Variants in CTNND2 observed in about 807,000 individuals in gnomAD.
The protein encoded by CTNND2 is catenin delta-2.
In CTNND2, 22 loss-of-function variants were observed where a neutral mutation model predicts 144.4. The observed-to-expected ratio is 0.15, with a 90% CI of 0.11 to 0.22. The LOEUF (loss-of-function observed/expected upper bound fraction) is 0.22. CTNND2 is among the 10% of genes least tolerant of loss of function. CTNND2 has a pLI of 1.00. For synonymous variants in CTNND2, 751 were observed against 695.6 expected (o/e 1.08, Z -1.25); for missense variants, 1,353 against 1,618.8 (o/e 0.84, Z 2.82).
chr5:11,149,893 C>T (rs1757587808), intron 12 of CTNND2, among the ~76,000 whole-genome samples: 2 of 152,264 alleles, frequency 1.3e-5, no homozygotes, highest in South Asian at 2.1e-4. Flanking sequence ...CTTTTCCCTG[C>T]TTTAGAAAAT....
At chr5:11,643,948 T>C (rs537100419) in intron 2 of CTNND2, among the ~76,000 whole-genome samples, 1 of 152,170 alleles carries the variant, frequency 6.6e-6, no homozygotes, top group Admixed American at 6.5e-5. Flanking sequence ...TTAATGAAAA[T>C]AACTTTTTGA....
chr5:11,156,134 G>A (rs1216333782), intron 12 of CTNND2, among the ~76,000 whole-genome samples: 1 of 152,210 alleles, frequency 6.6e-6, no homozygotes, highest in Non-Finnish European at 1.5e-5. Context: ...AAGCCTGCAT[G>A]AAATTGTCTA....
rs78972228 is a variant in CTNND2 at position 11,074,622 on chromosome 5, T to C, written c.2788+8074A>G. Among the ~76,000 whole-genome samples the C allele has an allele frequency of 2.4e-3, 362 of 152,294 alleles. 4 individuals are homozygous for C. The highest frequency in any genetic ancestry group is 8.4e-3 in the African/African-American group (349 of 41,554). On this transcript the variant is annotated intron_variant, in intron 16 of 21. Coordinates refer to ENST00000304623, the MANE Select transcript of CTNND2 (RefSeq NM_001332.4). ...AGATTCCATTATAAAGCTTTATATG[T>C]AACATTCAGGACAGTATTGATATAA...
chr5:11,819,250 G>A (rs1189928337), intron 1 of CTNND2, among the ~76,000 whole-genome samples: 1 of 152,010 alleles, frequency 6.6e-6, no homozygotes, highest in African/African-American at 2.4e-5. Flanking sequence ...CCTGGCCAAC[G>A]TGGTGAAACC....
At chr5:11,558,449 T>C (rs1041503708) in intron 3 of CTNND2, among the ~76,000 whole-genome samples, 1 of 152,016 alleles carries the variant, frequency 6.6e-6, no homozygotes, top group African/African-American at 2.4e-5. Context: ...CACAGCAGCC[T>C]TGACCTCTCC....
At chr5:11,497,514 G>C (rs1271545908) in intron 3 of CTNND2, among the ~76,000 whole-genome samples, 2 of 86,672 alleles carry the variant, frequency 2.3e-5, no homozygotes, top group South Asian at 6.0e-4. Context: ...TGATGTGCGG[G>C]GGGGTGGGGG....
intron 9 of CTNND2, among the ~76,000 whole-genome samples, chr5:11,250,877 G>A (rs1743567314): frequency 6.6e-6 from 1 of 152,042 alleles, no homozygotes; most frequent in Non-Finnish European, 1.5e-5. Flanking sequence ...GAAGACGTTT[G>A]ACTACACCAT....
rs147660670 is a variant in CTNND2, at chr5:11,611,925, C to T, written c.175-46869G>A. Among the ~76,000 whole-genome samples the T allele has an allele frequency of 7.9e-5, 12 of 152,326 alleles. No individual in the cohort carries two copies. In the East Asian group the frequency reaches 1.9e-3, roughly 24 times the overall value. ...CAACCAGCTCCCTCCAGACTCTGAG[C>T]TCTTTGAGGGCAATGATTCTATTTC... On this transcript the variant is annotated intron_variant, in intron 2 of 21. Transcript: ENST00000304623.
At chr5:11,426,173 G>GC (rs1762756566) in intron 3 of CTNND2, among the ~76,000 whole-genome samples, 1 of 152,028 alleles carries the variant, frequency 6.6e-6, no homozygotes, top group African/African-American at 2.4e-5. Context: ...CACTGTTGTA[G>GC]CCCCCCTTGA....
At chr5:11,760,337 C>G (rs1789187625) in intron 1 of CTNND2, among the ~76,000 whole-genome samples, 1 of 152,078 alleles carries the variant, frequency 6.6e-6, no homozygotes, top group South Asian at 2.1e-4. Context: ...GCCTGGGACC[C>G]TTCTGCCTCC....
intron 20 of CTNND2, among the ~76,000 whole-genome samples, chr5:10,985,610 C>A (rs1434412462): frequency 6.6e-6 from 1 of 152,168 alleles, no homozygotes; most frequent in Non-Finnish European, 1.5e-5. Context: ...GGAATGTTTT[C>A]TTGGCAGGGA....
At chr5:11,767,692 C>A (rs553699201) in intron 1 of CTNND2, among the ~76,000 whole-genome samples, 2 of 152,130 alleles carry the variant, frequency 1.3e-5, no homozygotes, top group East Asian at 1.9e-4. Flanking sequence ...CTGCTTGAGT[C>A]GATGCTAGGT....
chr5:11,640,432 C>A (rs1261033103), intron 2 of CTNND2, among the ~76,000 whole-genome samples: 1 of 152,206 alleles, frequency 6.6e-6, no homozygotes, highest in Non-Finnish European at 1.5e-5. Context: ...AAGGTTGCCA[C>A]ACACTGGGTA....
At chr5:11,599,581 G>A (rs939764854) in intron 2 of CTNND2, among the ~76,000 whole-genome samples, 1 of 152,062 alleles carries the variant, frequency 6.6e-6, no homozygotes, top group South Asian at 2.1e-4. Flanking sequence ...AAAGGATTTG[G>A]GTTTTTTTGC....
In CTNND2 at chr5:11,160,418, G is replaced by A. The variant is rs117772728; in HGVS notation, c.1976-659C>T. On this transcript the variant is annotated intron_variant, in intron 11 of 21. Coordinates refer to ENST00000304623, the MANE Select transcript of CTNND2 (RefSeq NM_001332.4). ...AGGGCATGTCCACAATGGACAGAGC[G>A]TCACAGTAATTCATGCAGGCAGAGC... Among the ~76,000 whole-genome samples the A allele has an allele frequency of 1.4e-4, 21 of 152,326 alleles. No individual in the cohort carries two copies. The East Asian group carries it at 3.7e-3, about 27-fold the overall frequency.
At chr5:11,067,638 C>T (rs1055145347) in intron 16 of CTNND2, among the ~76,000 whole-genome samples, 2 of 152,200 alleles carry the variant, frequency 1.3e-5, no homozygotes, top group Non-Finnish European at 2.9e-5. Flanking sequence ...AACTTAGACA[C>T]CTTGAGTGGG....
At chr5:10,991,104 C>T (rs1368284968) in intron 19 of CTNND2, among the ~76,000 whole-genome samples, 1 of 152,200 alleles carries the variant, frequency 6.6e-6, no homozygotes, top group Non-Finnish European at 1.5e-5. Flanking sequence ...GGTTCCTGAT[C>T]GTCACCCAGG....
chr5:11,535,776 G>C (rs1774158717), intron 3 of CTNND2, among the ~76,000 whole-genome samples: 2 of 152,190 alleles, frequency 1.3e-5, no homozygotes, highest in Admixed American at 1.3e-4. Flanking sequence ...TCCCCCCGGT[G>C]TTACAAGCAT....
intron 9 of CTNND2, among the ~76,000 whole-genome samples, chr5:11,260,854 A>G (rs888796329): frequency 3.3e-5 from 5 of 152,210 alleles, no homozygotes; most frequent in African/African-American, 1.2e-4. Flanking sequence ...CATAAAATTT[A>G]CTATTATAGG....
Sources: allele counts gnomAD v4.1 joint callset (sites outside exome capture counted in the v4.1 genomes callset), GRCh38; gene constraint gnomAD v4.1.1; transcripts MANE v1.5; gene names NCBI Gene and HGNC (gene_info 2026-07-23, HGNC 2026-07-21).